Variants in EYS observed in about 807,000 individuals in gnomAD.
EYS encodes EGF-like photoreceptor maintenance factor.
A neutral mutation model predicts 282.1 loss-of-function variants in EYS; 250 were observed. The ratio of observed to expected loss-of-function variants is 0.89; its 90% CI spans 0.80 to 0.98. The LOEUF is 0.98. Among genes scored for constraint, EYS ranks in the 50% least tolerant of loss-of-function variants. The pLI is 0.00. For missense variants in EYS, 4,016 were observed against 3,709.0 expected (o/e 1.08, Z -2.15); for synonymous variants, 1,355 against 1,282.9 (o/e 1.06, Z -1.20).
At chr6:64,821,866 T>C in intron 20 of EYS, 143 bp from the exon 21 acceptor site, 1 of 482,058 alleles carries the variant, frequency 2.1e-6, no homozygotes, top group Non-Finnish European at 3.7e-6. Context: ...AGTTTATTCC[T>C]GGGTTTCTTA....
chr6:63,891,461 C>G (rs1773406392), intron 35 of EYS, among the ~76,000 whole-genome samples: 1 of 152,072 alleles, frequency 6.6e-6, no homozygotes, highest in Non-Finnish European at 1.5e-5. Context: ...TAATCCATCA[C>G]ATAAACAGAA....
chr6:63,893,356 G>A (rs1773455581), intron 35 of EYS, among the ~76,000 whole-genome samples: 1 of 152,126 alleles, frequency 6.6e-6, no homozygotes, highest in South Asian at 2.1e-4. Context: ...ATTGGATAAA[G>A]AAAATGTGGT....
At chr6:65,575,619 T>A (rs562282884) in intron 2 of EYS, among the ~76,000 whole-genome samples, 1 of 151,478 alleles carries the variant, frequency 6.6e-6, no homozygotes, top group Non-Finnish European at 1.5e-5. Flanking sequence ...AATATAGACA[T>A]GAGAAAAGCA....
intron 31 of EYS, among the ~76,000 whole-genome samples, chr6:64,116,209 G>A (rs1051872119): frequency 1.3e-4 from 19 of 151,996 alleles, no homozygotes; most frequent in Admixed American, 9.8e-4. Flanking sequence ...ATTTGAAGAC[G>A]TCCAAAAGTC....
chr6:64,716,041 C>T (rs558395140), intron 22 of EYS, among the ~76,000 whole-genome samples: 10 of 152,326 alleles, frequency 6.6e-5, no homozygotes, highest in Middle Eastern at 3.4e-3. Context: ...GCCTCCATCT[C>T]CTCACAGAGC....
chr6:64,790,292 A>C (rs1774150623), intron 22 of EYS, among the ~76,000 whole-genome samples: 1 of 151,988 alleles, frequency 6.6e-6, no homozygotes, highest in Non-Finnish European at 1.5e-5. Flanking sequence ...CATCAGCGGC[A>C]TGCAATTTAC....
intron 40 of EYS, among the ~76,000 whole-genome samples, chr6:63,777,008 T>C (rs1770081603): frequency 6.6e-6 from 1 of 152,182 alleles, no homozygotes; most frequent in Admixed American, 6.6e-5. Context: ...AGAGAAGTAA[T>C]GATAAAATTA....
chr6:65,383,978 C>T (rs1765710760), intron 8 of EYS, among the ~76,000 whole-genome samples: 1 of 151,776 alleles, frequency 6.6e-6, no homozygotes, highest in Non-Finnish European at 1.5e-5. Flanking sequence ...ATGTGTAGTA[C>T]AGACATTTTG....
At chr6:64,959,441 G>A (rs530198774) in intron 14 of EYS, among the ~76,000 whole-genome samples, 3 of 152,012 alleles carry the variant, frequency 2.0e-5, no homozygotes, top group Non-Finnish European at 2.9e-5. Flanking sequence ...TGAAGGTTCT[G>A]TTGTCATTCT....
chr6:65,420,028 T>G (rs1471044885), intron 5 of EYS, among the ~76,000 whole-genome samples: 1 of 152,032 alleles, frequency 6.6e-6, no homozygotes, highest in African/African-American at 2.4e-5. Flanking sequence ...AATCCTAATA[T>G]TTTTGCTGAT....
chr6:65,440,198 G>A (rs1388915718), intron 5 of EYS, among the ~76,000 whole-genome samples: 1 of 152,000 alleles, frequency 6.6e-6, no homozygotes, highest in South Asian at 2.1e-4. Context: ...AATTGTTCAA[G>A]CATGCATTTT....
At chr6:64,168,727 T>G (rs1320638845) in intron 31 of EYS, among the ~76,000 whole-genome samples, 1 of 152,160 alleles carries the variant, frequency 6.6e-6, no homozygotes, top group Non-Finnish European at 1.5e-5. Flanking sequence ...GGATTAAGGA[T>G]TACTTGGGGT....
rs1367197224 is a variant in EYS at position 64,098,728 on chromosome 6, G to T, written c.6425-16726C>A. On this transcript the variant is annotated intron_variant, in intron 31 of 42. Transcript: ENST00000503581. ...CCATTCTCCTGCCTCAGCCTCCCGG[G>T]TAGCTGGGACTAGAGGTGTGTGCCA... is the stretch of plus-strand genomic sequence containing the variant. Among the ~76,000 whole-genome samples the T allele has an allele frequency of 2.0e-5, 3 of 151,890 alleles. No individual in the cohort carries two copies. The East Asian group carries it at 5.8e-4, about 29-fold the overall frequency.
chr6:64,798,048 C>T (rs72648371), intron 22 of EYS, among the ~76,000 whole-genome samples: 14,427 of 151,768 alleles, frequency 0.095, 888 homozygotes, highest in East Asian at 0.26. Context: ...TCTTTATAAT[C>T]GTATTAATAT....
chr6:63,721,223 A>G lies in EYS; in HGVS notation c.8808T>C (p.Ser2936=). ...LCIPDQSFSY[S]CLCTLGWVGR... Reference sequence around the variant, plus strand: ...CCACCCAACCCAAAGTACACAGGCAACTGTAAGAAAATGATTGGTCAGGTA... The same window carrying G: ...CCACCCAACCCAAAGTACACAGGCAGCTGTAAGAAAATGATTGGTCAGGTA... Residue 2936 remains serine, a synonymous_variant, in exon 43 of 43, where the codon AGT becomes AGC. Coordinates refer to ENST00000503581, the MANE Select transcript of EYS (RefSeq NM_001142800.2). 6.4e-7 allele frequency: 1 copy of G among 1,551,808 alleles called. No individual in the cohort carries two copies. The highest frequency in any genetic ancestry group is 1.4e-5 in the African/African-American group (1 of 73,178).
chr6:64,695,519 C>T (rs1182648102), intron 22 of EYS, among the ~76,000 whole-genome samples: 1 of 151,972 alleles, frequency 6.6e-6, no homozygotes, highest in Admixed American at 6.6e-5. Flanking sequence ...CCAAGGAAAT[C>T]ATACAGAGTA....
chr6:64,738,802 G>T (rs981279414), intron 22 of EYS, among the ~76,000 whole-genome samples: 1 of 152,158 alleles, frequency 6.6e-6, no homozygotes, highest in Non-Finnish European at 1.5e-5. Context: ...TTGTTGCCTA[G>T]GATGGAGTGC....
chr6:64,119,746 T>C (rs1773511160), intron 31 of EYS, among the ~76,000 whole-genome samples: 1 of 152,206 alleles, frequency 6.6e-6, no homozygotes, highest in South Asian at 2.1e-4. Flanking sequence ...GAGGTGAAAT[T>C]GCTTATAAAG....
intron 35 of EYS, among the ~76,000 whole-genome samples, chr6:63,967,625 CCAT>C (rs1315324043): frequency 2.0e-5 from 3 of 152,126 alleles, no homozygotes; most frequent in Admixed American, 1.3e-4. Flanking sequence ...GATCAATTCA[CCAT>C]GTTTCATTTG....
Sources: allele counts gnomAD v4.1 joint callset (sites outside exome capture counted in the v4.1 genomes callset), GRCh38; gene constraint gnomAD v4.1.1; transcripts MANE v1.5; gene names NCBI Gene and HGNC (gene_info 2026-07-23, HGNC 2026-07-21).